NRG1: variants seen among roughly 807,000 people sequenced by gnomAD.
NRG1 encodes the protein neuregulin 1.
Under a neutral mutation model 63.8 loss-of-function variants are expected in NRG1, and 18 were observed. The ratio of observed to expected loss-of-function variants is 0.28; its 90% CI spans 0.19 to 0.42. NRG1 has a LOEUF of 0.42. Among genes scored for constraint, NRG1 ranks in the 10% least tolerant of loss-of-function variants. The pLI, the probability that NRG1 is intolerant of heterozygous loss-of-function variation, is 1.00. For missense variants in NRG1, 762 were observed against 814.7 expected (o/e 0.94, Z 0.79); for synonymous variants, 302 against 301.3 (o/e 1.00, Z -0.02).
intron 1 of NRG1, among the ~76,000 whole-genome samples, chr8:31,794,324 G>T (rs138398874): frequency 2.6e-5 from 4 of 151,788 alleles, no homozygotes; most frequent in Non-Finnish European, 4.4e-5. Flanking sequence ...AACCAGGGAC[G>T]GGCTATTTCA....
intron 2 of NRG1, among the ~76,000 whole-genome samples, chr8:32,597,692 C>T (rs928785438): frequency 2.0e-5 from 3 of 152,022 alleles, no homozygotes; most frequent in Admixed American, 6.6e-5. Context: ...TAGTAAGAGA[C>T]TCAGTGAGAG....
At chr8:32,545,196 G>A (rs1189227526), upstream of NRG1, among the ~76,000 whole-genome samples, 1 of 152,268 alleles carries the variant, frequency 6.6e-6, no homozygotes, top group Middle Eastern at 3.4e-3. Flanking sequence ...TAGATTCTAA[G>A]AGTCCTTCTA....
At chr8:32,055,936 A>C (rs548702185) in intron 1 of NRG1, among the ~76,000 whole-genome samples, 1 of 152,252 alleles carries the variant, frequency 6.6e-6, no homozygotes, top group South Asian at 2.1e-4. Flanking sequence ...GGTTCATGTT[A>C]ACATAGTTCA....
At chr8:32,307,981 C>A (rs564867147) in intron 1 of NRG1, among the ~76,000 whole-genome samples, 2 of 152,282 alleles carry the variant, frequency 1.3e-5, no homozygotes, top group South Asian at 4.1e-4. Context: ...GGTTGCTCAG[C>A]CAGTGAACTC....
intron 1 of NRG1, among the ~76,000 whole-genome samples, chr8:31,706,996 C>T (rs1412628225): frequency 6.6e-6 from 1 of 151,790 alleles, no homozygotes; most frequent in Non-Finnish European, 1.5e-5. Flanking sequence ...CTCTGAGTAT[C>T]ATCTTTTTTT....
intron 1 of NRG1, among the ~76,000 whole-genome samples, chr8:32,474,804 G>A (rs183030817): frequency 5.9e-5 from 9 of 151,866 alleles, no homozygotes; most frequent in African/African-American, 9.6e-5. Context: ...GTGCCCGGCC[G>A]ATATTCCTGT....
chr8:32,639,097 G>A (rs945971642), intron 5 of NRG1, among the ~76,000 whole-genome samples: 2 of 152,066 alleles, frequency 1.3e-5, no homozygotes, highest in Non-Finnish European at 2.9e-5. Context: ...TCTGGCTAAG[G>A]TCTTTTCAGG....
At chr8:32,771,025 A>G (rs973726492), downstream of NRG1, among the ~76,000 whole-genome samples, 13 of 152,162 alleles carry the variant, frequency 8.5e-5, no homozygotes, top group African/African-American at 2.9e-4. Flanking sequence ...CAGTAAGCAA[A>G]TCCTTTTTAA....
intron 3 of NRG1, among the ~76,000 whole-genome samples, chr8:32,610,396 C>T (rs1185725974): frequency 6.6e-6 from 1 of 152,104 alleles, no homozygotes; most frequent in Non-Finnish European, 1.5e-5. Flanking sequence ...CCCCAGATGA[C>T]CTTGCTGTTT....
chr8:31,869,353 T>C (rs1829278495), intron 1 of NRG1, among the ~76,000 whole-genome samples: 1 of 152,138 alleles, frequency 6.6e-6, no homozygotes, highest in African/African-American at 2.4e-5. Flanking sequence ...GGTGTGCATA[T>C]ATGAGCTGTC....
chr8:31,811,655 GTTC>G (rs1452602009), intron 1 of NRG1, among the ~76,000 whole-genome samples: 1 of 151,914 alleles, frequency 6.6e-6, no homozygotes, highest in Non-Finnish European at 1.5e-5. Context: ...AATTTGTTTT[GTTC>G]TTCTCCCTTT....
intron 1 of NRG1, among the ~76,000 whole-genome samples, chr8:31,644,118 T>C (rs964577493): frequency 6.6e-5 from 10 of 152,208 alleles, no homozygotes; most frequent in African/African-American, 2.4e-4. Flanking sequence ...GCAGAGATTT[T>C]CCAGTCAGCA....
rs142266739 is a variant in NRG1 at position 31,889,274 on chromosome 8, T to C, written c.37+249843T>C. ...AGTTTTTATTCTCCTCCATATATGA[T>C]GCCCCTTTTCTAAGATTATTTCGTA... is the stretch of plus-strand genomic sequence containing the variant. On this transcript the variant is annotated intron_variant, in intron 1 of 10. Transcript: ENST00000519301. Among the ~76,000 whole-genome samples, 72 of 152,312 alleles carry C rather than the reference T, an allele frequency of 4.7e-4. 1 individual carries two copies. Among genetic ancestry groups the C allele is most frequent in the African/African-American group, 1.6e-3 (66 of 41,576 alleles).
At chr8:31,639,434 A>C in intron 1 of NRG1, 3 of 1,534,770 alleles carry the variant, frequency 2.0e-6, no homozygotes, top group Non-Finnish European at 2.6e-6. Flanking sequence ...CACCACAGGT[A>C]AACAGGCTGG....
intron 1 of NRG1, among the ~76,000 whole-genome samples, chr8:32,408,779 T>C (rs977203784): frequency 1.3e-5 from 2 of 152,188 alleles, no homozygotes; most frequent in Middle Eastern, 3.2e-3. Context: ...ATTTAGCGGG[T>C]ACAAGTGCAG....
intron 1 of NRG1, among the ~76,000 whole-genome samples, chr8:32,195,795 G>A (rs1453833308): frequency 6.6e-6 from 1 of 152,184 alleles, no homozygotes; most frequent in East Asian, 1.9e-4. Context: ...ACTATGTTTG[G>A]AAGTCAGGGA....
At chr8:32,077,736 C>T (rs868491275) in intron 1 of NRG1, among the ~76,000 whole-genome samples, 1 of 152,214 alleles carries the variant, frequency 6.6e-6, no homozygotes, top group Middle Eastern at 3.4e-3. Flanking sequence ...AGGTGCTATA[C>T]GGGATGAAGT....
At chr8:31,840,860 G>A (rs1013096463) in intron 1 of NRG1, among the ~76,000 whole-genome samples, 1 of 152,134 alleles carries the variant, frequency 6.6e-6, no homozygotes, top group African/African-American at 2.4e-5. Context: ...GAGTCATTAG[G>A]GGCATGCTTT....
At chr8:32,215,723 A>G (rs2132428671) in intron 1 of NRG1, among the ~76,000 whole-genome samples, 1 of 152,136 alleles carries the variant, frequency 6.6e-6, no homozygotes, top group East Asian at 1.9e-4. Context: ...TGTTTAAATA[A>G]CCATTTCCTG....
Sources: gnomAD v4.1 joint callset for allele counts (sites outside exome capture counted in the v4.1 genomes callset) on GRCh38, gnomAD v4.1.1 for gene constraint, MANE v1.5 for transcripts, NCBI Gene and HGNC (gene_info 2026-07-23, HGNC 2026-07-21) for gene names.